Variants in RAB3GAP1 observed in about 807,000 individuals in gnomAD.
The protein encoded by RAB3GAP1 is rab3 GTPase-activating protein catalytic subunit.
Under a neutral mutation model 130.7 loss-of-function variants are expected in RAB3GAP1, and 86 were observed. The ratio of observed to expected loss-of-function variants is 0.66; its 90% confidence interval spans 0.55 to 0.79. RAB3GAP1 has a LOEUF of 0.79. Ranked by LOEUF, RAB3GAP1 falls within the 30% of genes least tolerant of loss-of-function variation. RAB3GAP1 has a pLI of 0.00. For missense variants in RAB3GAP1, 1,029 were observed against 1,169.4 expected (o/e 0.88, Z 1.75); for synonymous variants, 367 against 401.7 (o/e 0.91, Z 1.03).
At chr2:135,108,014 A>T (rs555422855) in intron 5 of RAB3GAP1, among the ~76,000 whole-genome samples, 40 of 150,346 alleles carry the variant, frequency 2.7e-4, no homozygotes, top group African/African-American at 9.8e-4. Flanking sequence ...TACACAAAAT[A>T]AGTGGTATGG....
At chr2:135,096,855 T>G (rs1690312226) in intron 5 of RAB3GAP1, among the ~76,000 whole-genome samples, 1 of 152,196 alleles carries the variant, frequency 6.6e-6, no homozygotes, top group Non-Finnish European at 1.5e-5. Context: ...TATCAAAATC[T>G]AAATGCTATT....
At chr2:135,070,326 T>C (rs1293417519) in intron 3 of RAB3GAP1, among the ~76,000 whole-genome samples, 1 of 152,198 alleles carries the variant, frequency 6.6e-6, no homozygotes, top group Non-Finnish European at 1.5e-5. Flanking sequence ...GGTCAACATG[T>C]GTAACTAATG....
At chr2:135,112,678 T>A (rs1356221862) in intron 5 of RAB3GAP1, among the ~76,000 whole-genome samples, 5 of 152,152 alleles carry the variant, frequency 3.3e-5, no homozygotes, top group African/African-American at 1.2e-4. Flanking sequence ...GCTGTTGACC[T>A]TTTTTTCTCA....
chr2:135,098,392 CT>C (rs1379609161), intron 5 of RAB3GAP1, among the ~76,000 whole-genome samples: 9 of 152,112 alleles, frequency 5.9e-5, no homozygotes, highest in African/African-American at 2.2e-4. Context: ...CTTAATATGT[CT>C]TTTCTAGAAC....
chr2:135,115,730 A>G (rs1452731233), intron 7 of RAB3GAP1, among the ~76,000 whole-genome samples: 1 of 152,100 alleles, frequency 6.6e-6, no homozygotes, highest in East Asian at 1.9e-4. Flanking sequence ...TGAGCATTTG[A>G]AGCATTTGAC....
In RAB3GAP1 at chr2:135,130,003, G is replaced by C; in HGVS notation, c.982G>C (p.Val328Leu). Reference sequence around the variant, plus strand: ...CTTTTTTTCCTACATAGGTGATTTTGTCACTGAATTTTTTAAAATTTGCCG... The same window carrying C: ...CTTTTTTTCCTACATAGGTGATTTTCTCACTGAATTTTTTAAAATTTGCCG... ...ENPQCLLGDF[V>L]TEFFKICRRK... Residue 328 changes from valine to leucine, a missense_variant, in exon 12 of 24, where the codon GTC (valine) becomes CTC (leucine). By Grantham distance (32) the Val-to-Leu change is conservative. This residue lies in a region of RAB3GAP1 where 510 missense variants were observed against 532.1 expected (regional missense o/e 0.96). Transcript: ENST00000264158. The C allele has an allele frequency of 6.3e-7, 1 of 1,594,708 alleles. No individual in the cohort carries two copies. Among genetic ancestry groups the C allele is most frequent in the Non-Finnish European group, 8.6e-7 (1 of 1,168,278 alleles).
chr2:135,077,849 T>G (rs1689674290), intron 3 of RAB3GAP1, among the ~76,000 whole-genome samples: 1 of 152,246 alleles, frequency 6.6e-6, no homozygotes, highest in African/African-American at 2.4e-5. Flanking sequence ...GTCTATGTTC[T>G]TTGGAGAAAT....
chr2:135,105,616 C>G lies in RAB3GAP1; in HGVS notation c.363-7535C>G, dbSNP rs187148173. ...CCTCCCAGCCGCCTGCCTTGGCCTCCCAAAGTGCTGAGATAGCAGCCTCTG... is the reference window on the plus strand; with the variant it reads ...CCTCCCAGCCGCCTGCCTTGGCCTCGCAAAGTGCTGAGATAGCAGCCTCTG... On this transcript the variant is annotated intron_variant, in intron 5 of 23. Coordinates refer to ENST00000264158, the MANE Select transcript of RAB3GAP1 (RefSeq NM_012233.3). Among the ~76,000 whole-genome samples the G allele has an allele frequency of 7.2e-4, 110 of 152,302 alleles. 1 individual carries two copies. The South Asian group carries it at 7.7e-3, about 11-fold the overall frequency.
At position 135,135,914 on chromosome 2, in the gene RAB3GAP1, C is replaced by T. The variant is rs1439224594; in HGVS notation, c.1905C>T (p.Leu635=). 7 of 1,613,958 alleles carry T rather than the reference C, an allele frequency of 4.3e-6. No homozygotes were observed. The highest frequency in any genetic ancestry group is 5.9e-6 in the Non-Finnish European group (7 of 1,179,906). ...KLTLLHNGEP[L]YIPVTQEPAP... is the part of the protein sequence containing the mutation. Reference sequence around the variant, plus strand: ...CACTGCTGCATAATGGAGAACCTCTCTACATTCCAGTAACCCAGGTAGGAT... The same window carrying T: ...CACTGCTGCATAATGGAGAACCTCTTTACATTCCAGTAACCCAGGTAGGAT... Residue 635 remains leucine (L), a synonymous_variant, in exon 17 of 24, where the codon CTC becomes CTT. Coordinates refer to ENST00000264158, the MANE Select transcript of RAB3GAP1 (RefSeq NM_012233.3).
downstream of RAB3GAP1, among the ~76,000 whole-genome samples, chr2:135,172,210 A>C (rs1230702238): frequency 6.6e-6 from 1 of 152,014 alleles, no homozygotes; most frequent in Admixed American, 6.6e-5. Context: ...CGGGCGGATC[A>C]CATGAGGTCA....
At chr2:135,097,954 A>G (rs911870501) in intron 5 of RAB3GAP1, among the ~76,000 whole-genome samples, 12 of 152,210 alleles carry the variant, frequency 7.9e-5, no homozygotes, top group African/African-American at 2.9e-4. Flanking sequence ...AGGAAACTGC[A>G]AAACATTTCT....
At chr2:135,148,761 C>T (rs1225919045) in intron 17 of RAB3GAP1, among the ~76,000 whole-genome samples, 3 of 151,162 alleles carry the variant, frequency 2.0e-5, no homozygotes, top group Non-Finnish European at 4.4e-5. Context: ...ATCCGTCCAC[C>T]TCGGCCTCCC....
Position 135,117,596 on chromosome 2 carries a change from TGC to T in RAB3GAP1, c.648+2216_648+2217del, listed in dbSNP as rs1234216195. 1.0e-4 allele frequency among the ~76,000 whole-genome samples: 13 copies of T among 128,424 alleles called. No homozygotes were observed. In the South Asian group the frequency reaches 2.2e-3, roughly 21 times the overall value. 84.3% of individuals were successfully genotyped at this position (128,424 alleles called of 152,430 possible). A position where few individuals can be genotyped will look rare whatever the true frequency, so the allele number is the denominator to read the frequency against. ...CTTCTTCTTCTGCTTCTTCTTCTGCTGCTTCTTCTGCTTCTTCTGCTTCTGCT... is the reference window on the plus strand; with the variant it reads ...CTTCTTCTTCTGCTTCTTCTTCTGCTTTCTTCTGCTTCTTCTGCTTCTGCT... On this transcript the variant is annotated intron_variant, in intron 7 of 23. Coordinates refer to ENST00000264158, the MANE Select transcript of RAB3GAP1 (RefSeq NM_012233.3).
chr2:135,145,954 T>C (rs905545682), intron 17 of RAB3GAP1, among the ~76,000 whole-genome samples: 2 of 152,180 alleles, frequency 1.3e-5, no homozygotes, highest in Non-Finnish European at 2.9e-5. Context: ...GTACCAGGTA[T>C]AGTGAAATAA....
chr2:135,092,258 A>G (rs568457970), intron 4 of RAB3GAP1, among the ~76,000 whole-genome samples: 3 of 152,320 alleles, frequency 2.0e-5, no homozygotes, highest in Admixed American at 2.0e-4. Flanking sequence ...AGCAATTTTC[A>G]GGTTCAACGT....
chr2:135,144,371 T>A (rs1218282876), intron 17 of RAB3GAP1, among the ~76,000 whole-genome samples: 3 of 152,160 alleles, frequency 2.0e-5, no homozygotes, highest in Non-Finnish European at 2.9e-5. Flanking sequence ...TTTTATGGGC[T>A]CAGAATGGGG....
chr2:135,147,615 T>TCCCCCCC (rs1553448280), intron 17 of RAB3GAP1, among the ~76,000 whole-genome samples: 91 of 133,004 alleles, frequency 6.8e-4, no homozygotes, highest in South Asian at 2.0e-3. Flanking sequence ...AGTAGTCCCC[T>TCCCCCCC]CCCCCCCCCT....
chr2:135,134,072 G>A (rs1308564814), intron 15 of RAB3GAP1, 39 bp downstream of exon 15: 2 of 1,609,232 alleles, frequency 1.2e-6, no homozygotes, highest in East Asian at 4.5e-5. Flanking sequence ...ATACGATTTT[G>A]TTTGTTAGCA....
chr2:135,067,181 G>GT (rs1464923196), intron 3 of RAB3GAP1, among the ~76,000 whole-genome samples: 1 of 152,078 alleles, frequency 6.6e-6, no homozygotes, highest in Non-Finnish European at 1.5e-5. Flanking sequence ...AGAACATTTA[G>GT]TTTTTTTATG....
Sources: gnomAD v4.1 joint callset for allele counts (sites outside exome capture counted in the v4.1 genomes callset) on GRCh38, gnomAD v4.1.1 for gene constraint, gnomAD v4.1.1 regional missense constraint, MANE v1.5 for transcripts, NCBI Gene and HGNC (gene_info 2026-07-23, HGNC 2026-07-21) for gene names.